TRMT11: variants seen among roughly 807,000 people sequenced by gnomAD.
The protein encoded by TRMT11 is tRNA methyltransferase 11.
In TRMT11, 53 loss-of-function variants were observed where a neutral mutation model predicts 62.8. The observed-to-expected ratio is 0.84, with a 90% CI of 0.68 to 1.06. The LOEUF (loss-of-function observed/expected upper bound fraction) is 1.06. Ranked by LOEUF, TRMT11 falls within the 50% of genes least tolerant of loss-of-function variation. TRMT11 has a pLI of 0.00. For synonymous variants in TRMT11, 188 were observed against 190.3 expected (o/e 0.99, Z 0.10); for missense variants, 556 against 553.4 (o/e 1.00, Z -0.05).
chr6:126,134,669 A>G (rs1163522283), intron 21 of TRMT11, among the ~76,000 whole-genome samples: 1 of 151,888 alleles, frequency 6.6e-6, no homozygotes, highest in Non-Finnish European at 1.5e-5. Context: ...AGAACATTTC[A>G]TCCAGTTGGA....
At chr6:126,256,037 G>A in the TRMT11 span, among the ~76,000 whole-genome samples, 54 of 152,274 alleles carry the variant, frequency 3.5e-4, no homozygotes, top group South Asian at 9.5e-3. Flanking sequence ...AGCTGAGACC[G>A]AAGTTATCTA....
chr6:126,112,951 T>G (rs1380255258), exon 18 of TRMT11, among the ~76,000 whole-genome samples: 2 of 152,078 alleles, frequency 1.3e-5, no homozygotes, highest in African/African-American at 4.8e-5. Flanking sequence ...AACCTATTAC[T>G]AAGGTAGGTT....
At chr6:126,271,476 C>A in the TRMT11 span, among the ~76,000 whole-genome samples, 1 of 149,462 alleles carries the variant, frequency 6.7e-6, no homozygotes, top group East Asian at 2.0e-4. Context: ...TTCTTATTTC[C>A]CAAATGGTTT....
At chr6:126,241,348 C>G in the TRMT11 span, among the ~76,000 whole-genome samples, 1 of 152,046 alleles carries the variant, frequency 6.6e-6, no homozygotes, top group Non-Finnish European at 1.5e-5. Flanking sequence ...GCCTCACAGC[C>G]GAATTCTACC....
At chr6:126,214,288 C>A in the TRMT11 span, among the ~76,000 whole-genome samples, 230 of 152,034 alleles carry the variant, frequency 1.5e-3, 2 homozygotes, top group South Asian at 7.2e-3. Flanking sequence ...CTCTACTTTT[C>A]AGAATAGTTT....
chr6:126,195,715 G>C (rs996856562), intron 1 of TRMT11, among the ~76,000 whole-genome samples: 1 of 152,166 alleles, frequency 6.6e-6, no homozygotes, highest in African/African-American at 2.4e-5. Context: ...GGTGACTCTT[G>C]ATTGGTCTAA....
At chr6:125,999,320 AT>A (rs1792099100) in intron 6 of TRMT11, 136 bp from the exon 7 acceptor site, 1 of 543,908 alleles carries the variant, frequency 1.8e-6, no homozygotes, top group Non-Finnish European at 3.1e-6. Flanking sequence ...CAATTACATT[AT>A]TTTAAATAAA....
At chr6:126,050,557 G>T (rs1776186710) in intron 16 of TRMT11, among the ~76,000 whole-genome samples, 1 of 152,100 alleles carries the variant, frequency 6.6e-6, no homozygotes, top group Non-Finnish European at 1.5e-5. Context: ...AAATGGGCCA[G>T]GTGTAGTGGC....
chr6:126,012,736 T>G (rs1415488446), intron 9 of TRMT11, 35 bp from the exon 10 acceptor site: 1 of 1,564,700 alleles, frequency 6.4e-7, no homozygotes, highest in Non-Finnish European at 8.8e-7. Flanking sequence ...TTTGGTGACT[T>G]TTGACTATCT....
chr6:126,244,098 T>C, the TRMT11 span, among the ~76,000 whole-genome samples: 6 of 152,092 alleles, frequency 3.9e-5, no homozygotes, highest in African/African-American at 1.2e-4. Context: ...TTGAACAAAA[T>C]AGACTCATTC....
At chr6:126,109,890 C>A (rs1281682996) in intron 17 of TRMT11, among the ~76,000 whole-genome samples, 2 of 152,100 alleles carry the variant, frequency 1.3e-5, no homozygotes, top group Non-Finnish European at 2.9e-5. Flanking sequence ...AGGGAACAAA[C>A]CAGAAAATGG....
At chr6:126,217,465 A>G in the TRMT11 span, among the ~76,000 whole-genome samples, 1 of 152,206 alleles carries the variant, frequency 6.6e-6, no homozygotes, top group Non-Finnish European at 1.5e-5. Flanking sequence ...GGGCACCCAA[A>G]CCTAGGAACA....
chr6:126,102,117 A>G (rs2128179229), intron 17 of TRMT11, among the ~76,000 whole-genome samples: 2 of 152,322 alleles, frequency 1.3e-5, no homozygotes, highest in African/African-American at 4.8e-5. Context: ...GCAAACATAC[A>G]AATGAATGGG....
At chr6:126,212,702 C>A in the TRMT11 span, among the ~76,000 whole-genome samples, 2 of 152,136 alleles carry the variant, frequency 1.3e-5, no homozygotes, top group African/African-American at 4.8e-5. Flanking sequence ...GAATAGTTTT[C>A]AAATATTTTC....
At chr6:126,163,819 A>G (rs1778226661) in intron 21 of TRMT11, among the ~76,000 whole-genome samples, 1 of 152,086 alleles carries the variant, frequency 6.6e-6, no homozygotes, top group Non-Finnish European at 1.5e-5. Context: ...CAGTGGTGAT[A>G]TTCCCTTTAT....
intron 12 of TRMT11, among the ~76,000 whole-genome samples, chr6:126,025,196 C>T (rs1182536906): frequency 6.6e-6 from 1 of 152,064 alleles, no homozygotes; most frequent in East Asian, 1.9e-4. Flanking sequence ...TTTATACTTG[C>T]TTTCCACTGA....
At chr6:126,018,905 A>G (rs1242989335) in intron 11 of TRMT11, among the ~76,000 whole-genome samples, 1 of 151,802 alleles carries the variant, frequency 6.6e-6, no homozygotes, top group African/African-American at 2.4e-5. Context: ...TTTTTGAGAC[A>G]ATTTCGCTCT....
chr6:126,147,872 A>C (rs988131995), intron 21 of TRMT11, among the ~76,000 whole-genome samples: 1 of 151,962 alleles, frequency 6.6e-6, no homozygotes, highest in Non-Finnish European at 1.5e-5. Flanking sequence ...CAGGGAGGGA[A>C]ACATCACACA....
intron 12 of TRMT11, among the ~76,000 whole-genome samples, chr6:126,021,933 T>G (rs1795872837): frequency 6.6e-6 from 1 of 152,220 alleles, no homozygotes; most frequent in East Asian, 1.9e-4. Flanking sequence ...GCTGTACTTC[T>G]GTCGATTGAC....
Sources: allele counts gnomAD v4.1 joint callset (sites outside exome capture counted in the v4.1 genomes callset), GRCh38; gene constraint gnomAD v4.1.1; transcripts MANE v1.5; gene names NCBI Gene and HGNC (gene_info 2026-07-23, HGNC 2026-07-21).